Variants in SLC39A11 observed in about 807,000 individuals in gnomAD.
SLC39A11 encodes solute carrier family 39 member 11.
SLC39A11 carries 33 observed loss-of-function variants against 36.1 expected under a neutral mutation model. The ratio of observed to expected loss-of-function variants is 0.91; its 90% CI spans 0.69 to 1.22. The LOEUF (loss-of-function observed/expected upper bound fraction) is 1.22. Ranked by LOEUF, SLC39A11 falls within the 50% of genes most tolerant of loss-of-function variation. The pLI is 0.00. For missense variants in SLC39A11, 432 were observed against 430.3 expected, an observed-to-expected ratio of 1.00 and a Z score of -0.03; for synonymous variants, 166 against 170.3, an observed-to-expected ratio of 0.97 and a Z score of 0.20.
At chr17:72,660,202 T>G (rs991290421) in intron 7 of SLC39A11, among the ~76,000 whole-genome samples, 3 of 152,194 alleles carry the variant, frequency 2.0e-5, no homozygotes, top group Non-Finnish European at 2.9e-5. Flanking sequence ...TGCACAGCAC[T>G]GGAGACCCCA....
chr17:72,860,029 GGGGA>G (rs2079885573), intron 5 of SLC39A11, among the ~76,000 whole-genome samples: 1 of 138,264 alleles, frequency 7.2e-6, no homozygotes, highest in Non-Finnish European at 1.6e-5. Context: ...GGGGAGGGGA[GGGGA>G]GGGGAGGGGA....
intron 7 of SLC39A11, among the ~76,000 whole-genome samples, chr17:72,728,573 C>T (rs1285321610): frequency 6.6e-6 from 1 of 152,204 alleles, no homozygotes; most frequent in Non-Finnish European, 1.5e-5. Context: ...TGCAGATCAG[C>T]CACTGTAGCA....
At chr17:72,685,884 A>G (rs2071721879) in intron 7 of SLC39A11, among the ~76,000 whole-genome samples, 1 of 152,032 alleles carries the variant, frequency 6.6e-6, no homozygotes, top group Admixed American at 6.5e-5. Flanking sequence ...AAAAATACAA[A>G]AATTAGCCAG....
At chr17:72,896,041 C>T (rs112121159) in intron 5 of SLC39A11, among the ~76,000 whole-genome samples, 4,725 of 151,628 alleles carry the variant, frequency 0.031, 257 homozygotes, top group African/African-American at 0.11. Context: ...CAATAGTCTT[C>T]AGGGAATTTA....
intron 5 of SLC39A11, among the ~76,000 whole-genome samples, chr17:72,900,865 G>A (rs1019776170): frequency 2.6e-5 from 4 of 152,072 alleles, no homozygotes; most frequent in Non-Finnish European, 1.5e-5. Context: ...TCTCACAGGC[G>A]ACAGCACAGT....
intron 7 of SLC39A11, among the ~76,000 whole-genome samples, chr17:72,686,086 G>A (rs1486075301): frequency 2.6e-5 from 4 of 151,894 alleles, no homozygotes; most frequent in Non-Finnish European, 5.9e-5. Flanking sequence ...ACCTCCATCT[G>A]CAGGCTTGGT....
At chr17:72,704,136 A>AC (rs201084671) in intron 7 of SLC39A11, among the ~76,000 whole-genome samples, 3,775 of 152,270 alleles carry the variant, frequency 0.025, 71 homozygotes, top group Middle Eastern at 0.082. Context: ...CAAAACAACA[A>AC]CAACTATTAT....
Position 72,647,532 on chromosome 17 carries a change from A to G in SLC39A11, c.*52T>C. The G allele has an allele frequency of 6.6e-7, 1 of 1,511,932 alleles. No individual in the cohort carries two copies. Among genetic ancestry groups the G allele is most frequent in the South Asian group, 1.2e-5 (1 of 84,984 alleles). 93.7% of individuals were successfully genotyped at this position (1,511,932 alleles called of 1,614,324 possible). A position where few individuals can be genotyped will look rare whatever the true frequency, so the allele number is the denominator to read the frequency against. On this transcript the variant is annotated 3_prime_UTR_variant, in exon 10 of 10. Coordinates refer to ENST00000255559, the MANE Select transcript of SLC39A11 (RefSeq NM_139177.4). ...GAAGCTTGTTGTCCCATAGAAGCCA[A>G]CCACTGCTGTTTCTTCGTATGGCCT... is the stretch of plus-strand genomic sequence containing the variant.
intron 7 of SLC39A11, among the ~76,000 whole-genome samples, chr17:72,736,187 C>T (rs2074419853): frequency 2.0e-5 from 3 of 152,106 alleles, no homozygotes; most frequent in South Asian, 2.1e-4. Context: ...TCCCTGGGAA[C>T]ATCACCTCTT....
intron 5 of SLC39A11, among the ~76,000 whole-genome samples, chr17:72,923,028 C>T (rs1469764320): frequency 6.6e-6 from 1 of 150,402 alleles, no homozygotes; most frequent in African/African-American, 2.4e-5. Flanking sequence ...CCCACACTCT[C>T]CCCAATTTTG....
At chr17:72,665,884 C>T (rs1182672353) in intron 7 of SLC39A11, among the ~76,000 whole-genome samples, 1 of 151,788 alleles carries the variant, frequency 6.6e-6, no homozygotes, top group African/African-American at 2.4e-5. Flanking sequence ...TGTTTATTAT[C>T]TGTTCTTTCT....
chr17:72,840,632 G>A (rs549418135), intron 6 of SLC39A11, among the ~76,000 whole-genome samples: 11 of 152,336 alleles, frequency 7.2e-5, no homozygotes, highest in Non-Finnish European at 1.5e-4. Context: ...GGTGGTGGGT[G>A]CCTGTAATCC....
intron 7 of SLC39A11, among the ~76,000 whole-genome samples, chr17:72,652,012 CTT>C (rs2069875913): frequency 6.6e-6 from 1 of 152,214 alleles, no homozygotes; most frequent in African/African-American, 2.4e-5. Context: ...GGGCAGCAAA[CTT>C]TTTCTGTCAT....
intron 4 of SLC39A11, among the ~76,000 whole-genome samples, chr17:73,001,138 T>C (rs945271560): frequency 2.0e-5 from 3 of 152,142 alleles, no homozygotes; most frequent in African/African-American, 7.2e-5. Flanking sequence ...TTCTAAGTTT[T>C]AATAATTCCA....
intron 7 of SLC39A11, among the ~76,000 whole-genome samples, chr17:72,682,249 A>T (rs2071540074): frequency 6.6e-6 from 1 of 152,178 alleles, no homozygotes; most frequent in Non-Finnish European, 1.5e-5. Context: ...TAATAAAAAT[A>T]AAGTGCACAA....
intron 3 of SLC39A11, among the ~76,000 whole-genome samples, chr17:73,078,521 C>G (rs1255839941): frequency 2.7e-5 from 4 of 149,824 alleles, no homozygotes; most frequent in African/African-American, 9.9e-5. Flanking sequence ...CGGTCTCACT[C>G]TGTTGCCCAG....
intron 5 of SLC39A11, among the ~76,000 whole-genome samples, chr17:72,908,214 G>A (rs1290526946): frequency 6.6e-6 from 1 of 152,180 alleles, no homozygotes; most frequent in African/African-American, 2.4e-5. Context: ...CTGCCTCCTG[G>A]GATGTTAACC....
At chr17:73,064,226 A>G (rs2059930109) in intron 3 of SLC39A11, among the ~76,000 whole-genome samples, 1 of 152,242 alleles carries the variant, frequency 6.6e-6, no homozygotes, top group African/African-American at 2.4e-5. Context: ...GTGAGTCTGC[A>G]GAAACCAAGC....
At chr17:72,694,958 G>T (rs981449251) in intron 7 of SLC39A11, among the ~76,000 whole-genome samples, 14 of 151,486 alleles carry the variant, frequency 9.2e-5, no homozygotes, top group Admixed American at 7.3e-4. Flanking sequence ...CTGTGGGCAT[G>T]GCTGCCCTTA....
Sources: allele counts gnomAD v4.1 joint callset (sites outside exome capture counted in the v4.1 genomes callset), GRCh38; gene constraint gnomAD v4.1.1; transcripts MANE v1.5; gene names NCBI Gene and HGNC (gene_info 2026-07-23, HGNC 2026-07-21).